Variants in DENND2C observed in about 807,000 individuals in gnomAD.
DENND2C encodes DENN domain containing 2C, also known as DENN domain-containing protein 2C.
Under a neutral mutation model 112.4 loss-of-function variants are expected in DENND2C, and 72 were observed. The ratio of observed to expected loss-of-function variants is 0.64; its 90% CI spans 0.53 to 0.78. The LOEUF is 0.78. DENND2C is among the 30% of genes least tolerant of loss of function. DENND2C has a pLI of 0.00. For missense variants in DENND2C, 992 were observed against 1,113.8 expected, an observed-to-expected ratio of 0.89 and a Z score of 1.56; for synonymous variants, 329 against 381.6, an observed-to-expected ratio of 0.86 and a Z score of 1.61.
intron 20 of DENND2C, among the ~76,000 whole-genome samples, chr1:114,586,465 G>A (rs1189561051): frequency 6.6e-6 from 1 of 152,082 alleles, no homozygotes; most frequent in Non-Finnish European, 1.5e-5. Flanking sequence ...AACATATCAT[G>A]AAATAAATAA....
At chr1:114,666,251 A>G (rs1250200659) in intron 1 of DENND2C, among the ~76,000 whole-genome samples, 1 of 152,154 alleles carries the variant, frequency 6.6e-6, no homozygotes, top group East Asian at 1.9e-4. Flanking sequence ...TTCAATAGCA[A>G]CAGCCTCCTA....
intron 2 of DENND2C, among the ~76,000 whole-genome samples, chr1:114,646,701 C>T (rs1308803008): frequency 6.6e-6 from 1 of 152,136 alleles, no homozygotes; most frequent in Non-Finnish European, 1.5e-5. Context: ...TTTAGAAAAG[C>T]TTAATTTATT....
chr1:114,587,993 C>CA, intron 18 of DENND2C, 41 bp from the exon 19 acceptor site: 1 of 1,556,946 alleles, frequency 6.4e-7, no homozygotes, highest in Non-Finnish European at 8.8e-7. Context: ...AAAATCTCCT[C>CA]AGTTATCTGT....
intron 3 of DENND2C, among the ~76,000 whole-genome samples, chr1:114,629,563 G>A (rs1656433951): frequency 6.6e-6 from 1 of 152,188 alleles, no homozygotes; most frequent in South Asian, 2.1e-4. Flanking sequence ...ACAAGCGTGA[G>A]CCACTGTGCC....
chr1:114,630,691 A>C (rs556018739), intron 3 of DENND2C, among the ~76,000 whole-genome samples: 16 of 152,312 alleles, frequency 1.1e-4, no homozygotes, highest in African/African-American at 3.8e-4. Context: ...ATAGAGAAAA[A>C]GCTCCAGAAA....
chr1:114,630,473 C>G (rs1656458956), intron 3 of DENND2C, among the ~76,000 whole-genome samples: 1 of 151,996 alleles, frequency 6.6e-6, no homozygotes, highest in Non-Finnish European at 1.5e-5. Flanking sequence ...TAACAGACAG[C>G]TTAAGATTGT....
chr1:114,621,864 A>C, intron 7 of DENND2C, 31 bp downstream of exon 7: 2 of 1,549,244 alleles, frequency 1.3e-6, no homozygotes, highest in Non-Finnish European at 1.7e-6. Flanking sequence ...CTGAAGTAAG[A>C]GTCAAAGAAT....
intron 8 of DENND2C, among the ~76,000 whole-genome samples, chr1:114,613,034 G>C (rs1030359028): frequency 2.6e-5 from 4 of 152,084 alleles, no homozygotes; most frequent in Non-Finnish European, 4.4e-5. Context: ...GTCTTATATA[G>C]AAATATAAGT....
chr1:114,633,439 C>CAAAAAAAAAAAAAAAAAA (rs780884019), intron 3 of DENND2C, among the ~76,000 whole-genome samples: 2 of 49,214 alleles, frequency 4.1e-5, no homozygotes, highest in African/African-American at 6.7e-5. Flanking sequence ...GACCCTATCT[C>CAAAAAAAAAAAAAAAAAA]AAAAAAAAAA....
At chr1:114,669,863 G>A (rs927980338) in intron 1 of DENND2C, 120 bp downstream of exon 1, 1 of 152,252 alleles carries the variant, frequency 6.6e-6, no homozygotes, top group Non-Finnish European at 1.5e-5. Context: ...CGCACCGTCC[G>A]AGGACTACGC....
intron 3 of DENND2C, among the ~76,000 whole-genome samples, chr1:114,633,947 A>G (rs1420319912): frequency 1.3e-4 from 20 of 152,360 alleles, no homozygotes; most frequent in Admixed American, 1.3e-3. Context: ...CATAAACAGT[A>G]AACACTATCA....
chr1:114,623,535 A>G lies in DENND2C; in HGVS notation c.915T>C (p.Ser305=). The G allele has an allele frequency of 6.2e-7, 1 of 1,609,496 alleles. No individual in the cohort carries two copies. The highest frequency in any genetic ancestry group is 8.5e-7 in the Non-Finnish European group (1 of 1,178,184). The change falls in exon 5 of 21, where the codon TCT becomes TCC. Residue 305 remains serine (S), a synonymous_variant. Coordinates refer to ENST00000393274, the MANE Select transcript of DENND2C (RefSeq NM_001256404.2). ...NSGSALYYTQ[S]EDNIYEDIIY... The stretch of plus-strand genomic sequence containing the variant: ...TGATATCTTCATAGATATTGTCCTC[A>G]GACTGTGTGTAATAAAGTGCTGACC...
At chr1:114,658,382 A>G (rs1657389500) in intron 1 of DENND2C, among the ~76,000 whole-genome samples, 1 of 152,188 alleles carries the variant, frequency 6.6e-6, no homozygotes, top group African/African-American at 2.4e-5. Flanking sequence ...TCTAAAAAGA[A>G]AAGAAAGATG....
chr1:114,667,077 C>T lies in DENND2C; in HGVS notation c.-574+2906G>A, dbSNP rs1409776915. Among the ~76,000 whole-genome samples, 2 of 152,200 alleles carry T rather than the reference C, an allele frequency of 1.3e-5. 1 individual carries two copies. Among genetic ancestry groups the T allele is most frequent in the African/African-American group, 4.8e-5 (2 of 41,448 alleles). ...GACTACAACACATTCCTCAAACATA[C>T]CATATACTTGCACACTTATCCCTGG... On this transcript the variant is annotated intron_variant, in intron 1 of 20. Coordinates refer to ENST00000393274, the MANE Select transcript of DENND2C (RefSeq NM_001256404.2).
intron 3 of DENND2C, among the ~76,000 whole-genome samples, chr1:114,637,610 G>A (rs2101678021): frequency 6.6e-6 from 1 of 151,158 alleles, no homozygotes; most frequent in South Asian, 2.1e-4. Context: ...TCAACCTCTC[G>A]GGTTCAAGCA....
chr1:114,600,374 C>G, intron 14 of DENND2C, 22 bp from the exon 15 acceptor site: 3 of 1,613,364 alleles, frequency 1.9e-6, no homozygotes, highest in Non-Finnish European at 1.7e-6. Context: ...GAAGTTGAAT[C>G]AGGTGAGCTA....
At chr1:114,611,982 A>G (rs1156658613) in intron 8 of DENND2C, among the ~76,000 whole-genome samples, 1 of 152,200 alleles carries the variant, frequency 6.6e-6, no homozygotes, top group Non-Finnish European at 1.5e-5. Flanking sequence ...AAAGTGAACA[A>G]TAAACTGGGA....
At chr1:114,620,385 A>G (rs970161326) in intron 7 of DENND2C, among the ~76,000 whole-genome samples, 3 of 152,204 alleles carry the variant, frequency 2.0e-5, no homozygotes, top group Non-Finnish European at 4.4e-5. Flanking sequence ...TCAGATACAG[A>G]ACAAGTTTTG....
At chr1:114,637,388 A>G (rs1475434019) in intron 3 of DENND2C, among the ~76,000 whole-genome samples, 1 of 146,580 alleles carries the variant, frequency 6.8e-6, no homozygotes. Flanking sequence ...AAAAAAAAAA[A>G]GAAAAGAAAA....
Sources: gnomAD v4.1 joint callset for allele counts (sites outside exome capture counted in the v4.1 genomes callset) on GRCh38, gnomAD v4.1.1 for gene constraint, MANE v1.5 for transcripts, NCBI Gene and HGNC (gene_info 2026-07-23, HGNC 2026-07-21) for gene names.